The following PTPRD variants were observed in gnomAD, a reference collection of about 807,000 sequenced individuals.
The protein encoded by PTPRD is receptor-type tyrosine-protein phosphatase delta.
Under a neutral mutation model 214.5 loss-of-function variants are expected in PTPRD, and 34 were observed. That is an observed-to-expected ratio of 0.16 (90% CI 0.12 to 0.21). The LOEUF is 0.21. PTPRD is among the 10% of genes least tolerant of loss of function. The pLI, the probability that PTPRD is intolerant of heterozygous loss-of-function variation, is 1.00. For synonymous variants in PTPRD, 1,128 were observed against 845.7 expected, an observed-to-expected ratio of 1.33 and a Z score of -5.79; for missense variants, 2,545 against 2,398.7, an observed-to-expected ratio of 1.06 and a Z score of -1.27.
chr9:10,217,972 C>A (rs565171205), intron 3 of PTPRD, among the ~76,000 whole-genome samples: 1 of 151,904 alleles, frequency 6.6e-6, no homozygotes, highest in Non-Finnish European at 1.5e-5. Context: ...ACATGACACA[C>A]ACAAAACCTG....
At chr9:8,472,844 T>C (rs2096681815) in intron 30 of PTPRD, among the ~76,000 whole-genome samples, 1 of 152,176 alleles carries the variant, frequency 6.6e-6, no homozygotes, top group Admixed American at 6.5e-5. Context: ...GTGAAGAATA[T>C]GGCACTTGGA....
chr9:9,374,833 A>C (rs2060372838), intron 9 of PTPRD, among the ~76,000 whole-genome samples: 1 of 152,184 alleles, frequency 6.6e-6, no homozygotes, highest in Non-Finnish European at 1.5e-5. Flanking sequence ...AAGTCTCCTA[A>C]ATGCTCTCAT....
chr9:8,887,238 C>T (rs1279065492), intron 11 of PTPRD, among the ~76,000 whole-genome samples: 2 of 152,134 alleles, frequency 1.3e-5, no homozygotes, highest in African/African-American at 4.8e-5. Flanking sequence ...GTGAGTATCT[C>T]ACGGCAGAGA....
chr9:8,652,585 A>T (rs1415772449), intron 12 of PTPRD, among the ~76,000 whole-genome samples: 1 of 152,234 alleles, frequency 6.6e-6, no homozygotes, highest in Non-Finnish European at 1.5e-5. Flanking sequence ...ACACCATTTT[A>T]GGACCTCCTC....
chr9:9,014,017 T>A (rs1305982995), intron 11 of PTPRD, among the ~76,000 whole-genome samples: 1 of 133,394 alleles, frequency 7.5e-6, no homozygotes, highest in Non-Finnish European at 1.7e-5. Flanking sequence ...TTTTGTCTAC[T>A]TGATATCTTC....
intron 8 of PTPRD, among the ~76,000 whole-genome samples, chr9:9,423,769 T>A (rs965441587): frequency 6.6e-6 from 1 of 152,178 alleles, no homozygotes; most frequent in African/African-American, 2.4e-5. Flanking sequence ...AATTCCATAT[T>A]AGACAGAATT....
At chr9:10,575,369 T>C (rs1464834719) in intron 2 of PTPRD, among the ~76,000 whole-genome samples, 1 of 152,056 alleles carries the variant, frequency 6.6e-6, no homozygotes, top group Non-Finnish European at 1.5e-5. Flanking sequence ...AAGTTCTTTC[T>C]CTAGGAAAAA....
intron 6 of PTPRD, among the ~76,000 whole-genome samples, chr9:9,763,471 A>T (rs1187845535): frequency 6.6e-6 from 1 of 151,856 alleles, no homozygotes; most frequent in Non-Finnish European, 1.5e-5. Flanking sequence ...AGTCTTCTTT[A>T]AAAAATCTTC....
chr9:9,273,558 CAG>C (rs1369516312), intron 9 of PTPRD, among the ~76,000 whole-genome samples: 1 of 151,226 alleles, frequency 6.6e-6, no homozygotes, highest in Admixed American at 6.6e-5. Flanking sequence ...TCTTTAAAAA[CAG>C]AGAACTGTGA....
chr9:10,285,907 C>T (rs754547057), intron 3 of PTPRD, among the ~76,000 whole-genome samples: 27 of 151,854 alleles, frequency 1.8e-4, no homozygotes, highest in African/African-American at 1.5e-4. Flanking sequence ...TGTGCCCGGC[C>T]GGGGTCTCAT....
At chr9:9,250,175 C>T (rs954246963) in intron 9 of PTPRD, among the ~76,000 whole-genome samples, 7 of 152,026 alleles carry the variant, frequency 4.6e-5, no homozygotes, top group Admixed American at 2.0e-4. Context: ...GACATCCTTA[C>T]ACTTATAGAA....
At chr9:10,132,742 GCTT>G (rs1417178964) in intron 3 of PTPRD, among the ~76,000 whole-genome samples, 1 of 152,172 alleles carries the variant, frequency 6.6e-6, no homozygotes, top group Non-Finnish European at 1.5e-5. Flanking sequence ...AGTAGGTCAT[GCTT>G]CTGCTCCTTC....
intron 4 of PTPRD, among the ~76,000 whole-genome samples, chr9:10,018,066 T>C (rs1341117810): frequency 2.0e-5 from 3 of 152,098 alleles, no homozygotes; most frequent in Non-Finnish European, 4.4e-5. Flanking sequence ...CTCTTTACTT[T>C]TGATTAGTAA....
chr9:10,088,571 T>C (rs2098387165), intron 3 of PTPRD, among the ~76,000 whole-genome samples: 1 of 151,752 alleles, frequency 6.6e-6, no homozygotes, highest in Admixed American at 6.6e-5. Context: ...GCTAGGTCCA[T>C]TTCATCTTCA....
intron 35 of PTPRD, among the ~76,000 whole-genome samples, chr9:8,409,863 C>G (rs907854394): frequency 3.9e-5 from 6 of 152,196 alleles, no homozygotes; most frequent in African/African-American, 1.4e-4. Context: ...AGTTACTTCA[C>G]TCGTCAAACC....
At chr9:8,392,690 A>C (rs2089993059) in intron 36 of PTPRD, among the ~76,000 whole-genome samples, 1 of 152,178 alleles carries the variant, frequency 6.6e-6, no homozygotes, top group Non-Finnish European at 1.5e-5. Context: ...CATGGAATGA[A>C]AGCCTCCTTC....
intron 9 of PTPRD, among the ~76,000 whole-genome samples, chr9:9,333,504 T>TA (rs1555249397): frequency 7.3e-6 from 1 of 137,248 alleles, no homozygotes; most frequent in African/African-American, 2.9e-5. Context: ...ATATAGTATA[T>TA]TATATATATA....
intron 8 of PTPRD, among the ~76,000 whole-genome samples, chr9:9,402,734 T>TC (rs2071190266): frequency 3.0e-5 from 1 of 33,312 alleles, no homozygotes; most frequent in Admixed American, 2.9e-4. Context: ...GAAAGACATA[T>TC]CAAAAAAAAA....
intron 2 of PTPRD, among the ~76,000 whole-genome samples, chr9:10,557,564 T>C (rs114461971): frequency 0.033 from 5,084 of 152,200 alleles, 284 homozygotes; most frequent in African/African-American, 0.12. Flanking sequence ...GCTATCACTG[T>C]CCCCAAATCT....
Sources: gnomAD v4.1 joint callset for allele counts (sites outside exome capture counted in the v4.1 genomes callset) on GRCh38, gnomAD v4.1.1 for gene constraint, MANE v1.5 for transcripts, NCBI Gene and HGNC (gene_info 2026-07-23, HGNC 2026-07-21) for gene names.